Variants in MICAL3 observed in about 807,000 individuals in gnomAD.
MICAL3 encodes the protein [F-actin]-monooxygenase MICAL3.
A neutral mutation model predicts 207.4 loss-of-function variants in MICAL3; 62 were observed. The observed-to-expected ratio is 0.30, with a 90% CI of 0.24 to 0.37. The LOEUF (loss-of-function observed/expected upper bound fraction) is 0.37. Ranked by LOEUF, MICAL3 falls within the 10% of genes least tolerant of loss-of-function variation. The pLI is 1.00. For synonymous variants in MICAL3, 1,077 were observed against 1,069.3 expected, an observed-to-expected ratio of 1.01 and a Z score of -0.14; for missense variants, 2,368 against 2,635.6, an observed-to-expected ratio of 0.90 and a Z score of 2.22.
At position 17,796,989 on chromosome 22, in the gene MICAL3, C is replaced by A. The variant is rs1180789312; in HGVS notation, c.5651-5688G>T. 6.6e-6 allele frequency among the ~76,000 whole-genome samples: 1 copy of A among 152,148 alleles called. No homozygotes were observed. The highest frequency in any genetic ancestry group is 1.5e-5 in the Non-Finnish European group (1 of 68,036). ...GTACTTCTATATTCCCACCTTCTCTCCAACCAAGACTCTTCACCTTGGCAC... is the reference window on the plus strand; with the variant it reads ...GTACTTCTATATTCCCACCTTCTCTACAACCAAGACTCTTCACCTTGGCAC... On this transcript the variant is annotated intron_variant, in intron 29 of 31. Coordinates refer to ENST00000441493, the MANE Select transcript of MICAL3 (RefSeq NM_015241.3). The surrounding 1 kb of genome is among the most constrained non-coding windows in gnomAD (Gnocchi z 4.4).
chr22:17,970,447 C>T lies in MICAL3; in HGVS notation c.-75+53834G>A, dbSNP rs142950668. On this transcript the variant is annotated intron_variant, in intron 1 of 31. Coordinates refer to ENST00000441493, the MANE Select transcript of MICAL3 (RefSeq NM_015241.3). ...GCCGCAGGGCCCACTGGTTGGAGGC[C>T]CCTTTGGGAGTCAGATAACAGAACT... Among the ~76,000 whole-genome samples the T allele has an allele frequency of 9.3e-5, 14 of 149,878 alleles. No individual in the cohort carries two copies. In the East Asian group the frequency reaches 2.5e-3, roughly 27 times the overall value.
chr22:17,823,180 G>T (rs970704956), intron 22 of MICAL3, 120 bp from the exon 23 acceptor site: 1 of 693,892 alleles, frequency 1.4e-6, no homozygotes, highest in African/African-American at 1.8e-5. Context: ...CCCAGGAGAG[G>T]GGAGATGCTG....
intron 1 of MICAL3, among the ~76,000 whole-genome samples, chr22:17,916,069 A>G (rs1178146860): frequency 1.3e-5 from 2 of 150,848 alleles, no homozygotes; most frequent in Admixed American, 1.3e-4. Context: ...AAAAAAAAAA[A>G]AAAAAAAAAA....
At chr22:17,896,589 C>T in intron 8 of MICAL3, 135 bp downstream of exon 8, 5 of 950,416 alleles carry the variant, frequency 5.3e-6, no homozygotes, top group Non-Finnish European at 7.8e-6. Flanking sequence ...TCCTCTACTT[C>T]CTGGTGTGAC....
At chr22:17,944,990 A>C (rs1421288983) in intron 1 of MICAL3, among the ~76,000 whole-genome samples, 1 of 145,520 alleles carries the variant, frequency 6.9e-6, no homozygotes, top group Non-Finnish European at 1.5e-5. Flanking sequence ...TGAAGTTCGC[A>C]CTCAGGCACT....
At chr22:17,962,326 A>C (rs1934948789) in intron 1 of MICAL3, among the ~76,000 whole-genome samples, 1 of 152,254 alleles carries the variant, frequency 6.6e-6, no homozygotes, top group South Asian at 2.1e-4. Flanking sequence ...AGGGCCGCTC[A>C]GGGAGAGGAA....
rs1472628046 is a variant in MICAL3, at chr22:17,899,436, T to A, written c.948+12A>T. On this transcript the variant is annotated intron_variant, in intron 7 of 31. Transcript: ENST00000441493. ...CAATAAGAAAGAGTTTTGAAGGAAA[T>A]CCGTGGCTCACATGTAGTATCACTC... The A allele has an allele frequency of 6.4e-7, 1 of 1,553,430 alleles. No homozygotes were observed. Among genetic ancestry groups the A allele is most frequent in the East Asian group, 2.3e-5 (1 of 44,398 alleles).
In MICAL3 at chr22:17,874,910, G is replaced by A. The variant is rs7364208; in HGVS notation, c.2242-2887C>T. ...GGACGTGAGGTCTGGCGTCAACTCA[G>A]GCATGGGAAATACCAGTAGGAGTGG... On this transcript the variant is annotated intron_variant, in intron 16 of 31. Transcript: ENST00000441493. Among the ~76,000 whole-genome samples the A allele has an allele frequency of 7.2e-5, 11 of 152,262 alleles. No homozygotes were observed. In the South Asian group the frequency reaches 1.7e-3, roughly 23 times the overall value.
chr22:17,871,392 C>T (rs140569905), intron 17 of MICAL3, among the ~76,000 whole-genome samples: 38 of 152,346 alleles, frequency 2.5e-4, no homozygotes, highest in Non-Finnish European at 4.4e-4. Flanking sequence ...ACCTTGCAGA[C>T]ATCTCCAAGA....
chr22:17,876,826 TTATGGAGGTTAG>T (rs1395494098), intron 16 of MICAL3: 5 of 131,572 alleles, frequency 3.8e-5, no homozygotes, highest in African/African-American at 1.3e-4. Context: ...GTTAGGGAGG[TTATGGAGGTTAG>T]GGAGGTTAGG....
At chr22:17,880,720 A>G (rs574571243) in intron 16 of MICAL3, among the ~76,000 whole-genome samples, 3 of 152,304 alleles carry the variant, frequency 2.0e-5, no homozygotes, top group African/African-American at 7.2e-5. Flanking sequence ...CTGGCGTGCA[A>G]GTGCAGTGGG....
Position 17,811,762 on chromosome 22 carries a change from T to C in MICAL3, c.5446-949A>G, listed in dbSNP as rs114135278. Among the ~76,000 whole-genome samples, 1,173 of 152,282 alleles carry C rather than the reference T, an allele frequency of 7.7e-3. 25 individuals carry two copies. The highest frequency in any genetic ancestry group is 0.027 in the African/African-American group (1,119 of 41,552). ...CAAGGAGACTATATAAAAGTTCTTT[T>C]TTGAGAGAGGGTCTCATTGTCACCC... On this transcript the variant is annotated intron_variant, in intron 27 of 31. Coordinates refer to ENST00000441493, the MANE Select transcript of MICAL3 (RefSeq NM_015241.3).
At chr22:17,827,575 CT>C (rs1922336632) in intron 22 of MICAL3, 68 bp downstream of exon 22, 4 of 1,479,198 alleles carry the variant, frequency 2.7e-6, no homozygotes, top group Non-Finnish European at 2.7e-6. Flanking sequence ...GAAAGGCCCC[CT>C]GTGGCGACAG....
Position 17,900,745 on chromosome 22 carries a change from G to C in MICAL3, c.847+97C>G, listed in dbSNP as rs1464953236. 4.9e-6 allele frequency: 5 copies of C among 1,026,484 alleles called. No individual in the cohort carries two copies. The highest frequency in any genetic ancestry group is 7.4e-6 in the Non-Finnish European group (5 of 676,286). The allele number at this position is 1,026,484 out of a possible 1,614,324, so 63.6% of individuals were successfully genotyped here. A position where few individuals can be genotyped will look rare whatever the true frequency, so the allele number is the denominator to read the frequency against. The stretch of plus-strand genomic sequence containing the variant: ...CAGGAGGGGCAGACAGTGCAGGAGG[G>C]ACACCGACGGCCACTCACCCCACCA... On this transcript the variant is annotated intron_variant, in intron 6 of 31. Coordinates refer to ENST00000441493, the MANE Select transcript of MICAL3 (RefSeq NM_015241.3). This position sits in a 1 kb window ranked among gnomAD's most constrained non-coding sequence, Gnocchi z 4.0.
In MICAL3 at chr22:17,822,084, T is replaced by A. The variant is rs776491022; in HGVS notation, c.3394A>T (p.Arg1132Trp). ...PAEGEAELELRVSEDEEKLPA... is the reference protein window; with the variant it reads ...PAEGEAELELWVSEDEEKLPA... ...AGCTTCTCCTCATCTTCCGACACCCTCAGCTCCAGCTCTGCTTCCCCCTCA... is the reference window on the plus strand; with the variant it reads ...AGCTTCTCCTCATCTTCCGACACCCACAGCTCCAGCTCTGCTTCCCCCTCA... The change falls in exon 24 of 32, where the codon AGG (arginine) becomes TGG (tryptophan). Residue 1132 changes from arginine to tryptophan, a missense_variant. Transcript: ENST00000441493. The A allele has an allele frequency of 9.3e-6, 15 of 1,613,826 alleles. No homozygotes were observed. The highest frequency in any genetic ancestry group is 1.3e-5 in the Non-Finnish European group (15 of 1,179,884).
intron 16 of MICAL3, among the ~76,000 whole-genome samples, chr22:17,885,078 T>A (rs138843725): frequency 0.018 from 2,802 of 152,254 alleles, 40 homozygotes; most frequent in Non-Finnish European, 0.028. Flanking sequence ...TTGTAAGAAG[T>A]CAGAGTGACT....
intron 1 of MICAL3, among the ~76,000 whole-genome samples, chr22:17,937,778 T>C (rs1197966927): frequency 6.6e-6 from 1 of 152,240 alleles, no homozygotes; most frequent in Non-Finnish European, 1.5e-5. Context: ...AATTATTCTC[T>C]CATAACCAGT....
intron 1 of MICAL3, among the ~76,000 whole-genome samples, chr22:17,962,061 C>T (rs1338708661): frequency 2.6e-5 from 4 of 152,144 alleles, no homozygotes; most frequent in Non-Finnish European, 4.4e-5. Flanking sequence ...GTGCTTCTTA[C>T]AGATAATTTT....
At chr22:17,891,004 A>G (rs1483725735) in intron 12 of MICAL3, among the ~76,000 whole-genome samples, 1 of 152,226 alleles carries the variant, frequency 6.6e-6, no homozygotes, top group East Asian at 1.9e-4. Context: ...CCAATGAACC[A>G]TCATAAATTG....
Sources: gnomAD v4.1 joint callset for allele counts (sites outside exome capture counted in the v4.1 genomes callset) on GRCh38, gnomAD v4.1.1 for gene constraint, Gnocchi (gnomAD v3.1) non-coding constraint, MANE v1.5 for transcripts, NCBI Gene and HGNC (gene_info 2026-07-23, HGNC 2026-07-21) for gene names.